The following CYP2C19 variants were observed in gnomAD, a reference collection of about 807,000 sequenced individuals.
The protein encoded by CYP2C19 is cytochrome P450 2C19.
A neutral mutation model predicts 40.9 loss-of-function variants in CYP2C19; 59 were observed. That is an observed-to-expected ratio of 1.44 (90% CI 1.17 to 1.79). CYP2C19 has a LOEUF of 1.79. CYP2C19 is among the 40% of genes most tolerant of loss of function. The probability of loss-of-function intolerance (pLI) is 0.00; values close to 1 mark genes in which losing one functional copy is unlikely to be tolerated. For missense variants in CYP2C19, 754 were observed against 596.9 expected, an observed-to-expected ratio of 1.26 and a Z score of -2.74; for synonymous variants, 253 against 208.7, an observed-to-expected ratio of 1.21 and a Z score of -1.83.
intron 6 of CYP2C19, among the ~76,000 whole-genome samples, chr10:94,830,722 C>T (rs992739501): frequency 2.6e-5 from 4 of 152,076 alleles, no homozygotes; most frequent in African/African-American, 7.2e-5. Context: ...TATATACTAA[C>T]GTATATGTAC....
chr10:94,787,008 G>T (rs867022686), intron 5 of CYP2C19, among the ~76,000 whole-genome samples: 22 of 152,216 alleles, frequency 1.4e-4, no homozygotes, highest in Admixed American at 6.5e-4. Context: ...CACTGGATAT[G>T]TACCCAGTAG....
At chr10:94,816,443 A>G (rs937803493) in intron 5 of CYP2C19, among the ~76,000 whole-genome samples, 4 of 152,164 alleles carry the variant, frequency 2.6e-5, no homozygotes, top group African/African-American at 9.6e-5. Flanking sequence ...AAGTGGTAAC[A>G]GATTAACAAA....
chr10:94,821,059 G>T (rs1849113169), intron 6 of CYP2C19, among the ~76,000 whole-genome samples: 1 of 151,998 alleles, frequency 6.6e-6, no homozygotes, highest in African/African-American at 2.4e-5. Context: ...CTCTAGCCTG[G>T]GTGACAGAGT....
At chr10:94,827,747 T>G (rs1354226593) in intron 6 of CYP2C19, among the ~76,000 whole-genome samples, 1 of 152,228 alleles carries the variant, frequency 6.6e-6, no homozygotes, top group Non-Finnish European at 1.5e-5. Flanking sequence ...TTCTTTTAAT[T>G]GTGATGTTAG....
rs1049699396 is a variant in CYP2C19 at position 94,780,751 on chromosome 10, A to G, written c.642+92A>G. On this transcript the variant is annotated intron_variant, in intron 4 of 8. Transcript: ENST00000371321. ...CTATATTGACCAAGCCCTGAAGTACATTTTTGAATACTACAGTCTTGCCTA... is the reference window on the plus strand; with the variant it reads ...CTATATTGACCAAGCCCTGAAGTACGTTTTTGAATACTACAGTCTTGCCTA... The G allele has an allele frequency of 4.3e-6, 6 of 1,387,656 alleles. No individual in the cohort carries two copies. In the African/African-American group the frequency reaches 8.6e-5, roughly 20 times the overall value. The allele number at this position is 1,387,656 out of a possible 1,614,324, so 86.0% of individuals were successfully genotyped here.
intron 6 of CYP2C19, among the ~76,000 whole-genome samples, chr10:94,841,557 A>T (rs1372501725): frequency 6.6e-6 from 1 of 152,178 alleles, no homozygotes; most frequent in Non-Finnish European, 1.5e-5. Context: ...GCTCTTGCTT[A>T]TCTAATTCTT....
rs749564114 is a variant in CYP2C19 at position 94,781,992 on chromosome 10, G to T, written c.814G>T (p.Glu272Ter). 6.5e-7 allele frequency: 1 copy of T among 1,536,854 alleles called. No homozygotes were observed. The highest frequency in any genetic ancestry group is 2.6e-5 in the East Asian group (1 of 38,340). Residue 272 changes from glutamate (E) to a stop codon, truncating the protein, a stop_gained, in exon 5 of 9, where the codon GAG becomes TAG. Coordinates refer to ENST00000371321, the MANE Select transcript of CYP2C19 (RefSeq NM_000769.4). LOFTEE classifies it high-confidence loss of function. Reference protein sequence around the residue: ...DFIDCFLIKMEKEKQNQQSEF... With the variant: ...DFIDCFLIKM ...TATTGATTGCTTCCTGATCAAAATGGAGAAGGTAAAATGTTAACAAAAGCT... is the reference window on the plus strand; with the variant it reads ...TATTGATTGCTTCCTGATCAAAATGTAGAAGGTAAAATGTTAACAAAAGCT...
chr10:94,813,232 C>T (rs1848952516), intron 5 of CYP2C19, among the ~76,000 whole-genome samples: 1 of 152,120 alleles, frequency 6.6e-6, no homozygotes, highest in Non-Finnish European at 1.5e-5. Flanking sequence ...TGTGTTTATT[C>T]CTCTGGAAGC....
chr10:94,769,639 T>C (rs1399491833), intron 1 of CYP2C19, among the ~76,000 whole-genome samples: 1 of 152,200 alleles, frequency 6.6e-6, no homozygotes, highest in Admixed American at 6.5e-5. Context: ...CAGGGACTGC[T>C]GCATTTCCTT....
At chr10:94,801,720 A>T (rs1248561168) in intron 5 of CYP2C19, among the ~76,000 whole-genome samples, 1 of 152,104 alleles carries the variant, frequency 6.6e-6, no homozygotes, top group Non-Finnish European at 1.5e-5. Context: ...ATTGTGTGGG[A>T]GTCTAAGTCT....
rs144674815 is a variant in CYP2C19, at chr10:94,798,884, G to C, written c.819+16887G>C. ...ATCTTCCTCCATCCCTTTATTTTGA[G>C]CCTATTTGTGTCTCTGCATGTGAGA... is the stretch of plus-strand genomic sequence containing the variant. On this transcript the variant is annotated intron_variant, in intron 5 of 8. Coordinates refer to ENST00000371321, the MANE Select transcript of CYP2C19 (RefSeq NM_000769.4). 9.7e-3 allele frequency among the ~76,000 whole-genome samples: 1,178 copies of C among 120,824 alleles called. 15 individuals are homozygous for C. Among genetic ancestry groups the C allele is most frequent in the African/African-American group, 0.033 (1,121 of 33,576 alleles). The allele number at this position is 120,824 out of a possible 152,430, so 79.3% of individuals were successfully genotyped here.
intron 1 of CYP2C19, among the ~76,000 whole-genome samples, chr10:94,763,116 G>A (rs1265203622): frequency 2.0e-5 from 3 of 152,134 alleles, no homozygotes; most frequent in Admixed American, 2.0e-4. Context: ...ACTGTCAATA[G>A]TTTGAAATGT....
rs59162501 is a variant in CYP2C19 at position 94,781,806 on chromosome 10, A to G, written c.643-15A>G. The G allele has an allele frequency of 1.1e-3, 1,503 of 1,339,080 alleles. 7 individuals carry two copies. The highest frequency in any genetic ancestry group is 1.4e-3 in the Non-Finnish European group (1,404 of 1,013,014). 82.9% of individuals were successfully genotyped at this position (1,339,080 alleles called of 1,614,324 possible). A position where few individuals can be genotyped will look rare whatever the true frequency, so the allele number is the denominator to read the frequency against. On this transcript the variant is annotated splice_polypyrimidine_tract_variant and intron_variant, in intron 4 of 8. Coordinates refer to ENST00000371321, the MANE Select transcript of CYP2C19 (RefSeq NM_000769.4). Reference sequence around the variant, plus strand: ...TTAAATGCTTTTAATTTAATAAATTATTGTTTTCTCTTAGATATGCAATAA... The same window carrying G: ...TTAAATGCTTTTAATTTAATAAATTGTTGTTTTCTCTTAGATATGCAATAA...
At position 94,820,525 on chromosome 10, in the gene CYP2C19, T is replaced by A; in HGVS notation, c.849T>A (p.Thr283=). 4 of 1,614,174 alleles carry A rather than the reference T, an allele frequency of 2.5e-6. No individual in the cohort carries two copies. Among genetic ancestry groups the A allele is most frequent in the Non-Finnish European group, 3.4e-6 (4 of 1,180,018 alleles). The change falls in exon 6 of 9, where the codon ACT becomes ACA. Residue 283 remains threonine (T), a synonymous_variant. Coordinates refer to ENST00000371321, the MANE Select transcript of CYP2C19 (RefSeq NM_000769.4). Reference sequence around the variant, plus strand: ...AGCAAAACCAACAGTCTGAATTCACTATTGAAAACTTGGTAATCACTGCAG... The same window carrying A: ...AGCAAAACCAACAGTCTGAATTCACAATTGAAAACTTGGTAATCACTGCAG... ...KEKQNQQSEF[T]IENLVITAAD...
At position 94,767,055 on chromosome 10, in the gene CYP2C19, G is replaced by A. The variant is rs143622857; in HGVS notation, c.168+4182G>A. Among the ~76,000 whole-genome samples, 1,138 of 152,200 alleles carry A rather than the reference G, an allele frequency of 7.5e-3. 12 individuals are homozygous for A. The highest frequency in any genetic ancestry group is 0.011 in the Non-Finnish European group (766 of 68,014). On this transcript the variant is annotated intron_variant, in intron 1 of 8. Transcript: ENST00000371321. ...AGTTATATCTTTGACCAAGTTGGCC[G>A]TTTCCTGATCAAGTAGGAGGTCATT... is the stretch of plus-strand genomic sequence containing the variant.
chr10:94,822,685 A>G (rs1483730719), intron 6 of CYP2C19, among the ~76,000 whole-genome samples: 1 of 152,180 alleles, frequency 6.6e-6, no homozygotes, highest in Non-Finnish European at 1.5e-5. Context: ...TTGCATACCC[A>G]CCAGCAGTGT....
At chr10:94,822,581 A>T (rs944141312) in intron 6 of CYP2C19, among the ~76,000 whole-genome samples, 1 of 152,164 alleles carries the variant, frequency 6.6e-6, no homozygotes, top group Non-Finnish European at 1.5e-5. Flanking sequence ...TTGGGGGGGC[A>T]TATACTCAAT....
intron 8 of CYP2C19, among the ~76,000 whole-genome samples, chr10:94,850,845 T>A (rs1849642490): frequency 6.6e-6 from 1 of 152,084 alleles, no homozygotes; most frequent in Admixed American, 6.6e-5. Context: ...AGCAGGATAC[T>A]CTGCAGTGAT....
chr10:94,832,381 T>C (rs957964864), intron 6 of CYP2C19, among the ~76,000 whole-genome samples: 28 of 152,326 alleles, frequency 1.8e-4, no homozygotes, highest in African/African-American at 6.7e-4. Context: ...AAGTCCCATT[T>C]ATAAAACCAT....
Sources: allele counts gnomAD v4.1 joint callset (sites outside exome capture counted in the v4.1 genomes callset), GRCh38; gene constraint gnomAD v4.1.1; transcripts MANE v1.5; gene names NCBI Gene and HGNC (gene_info 2026-07-23, HGNC 2026-07-21).